JOSD1: variants seen among roughly 807,000 people sequenced by gnomAD.
JOSD1 encodes josephin-1.
Under a neutral mutation model 24.3 loss-of-function variants are expected in JOSD1, and 11 were observed. The ratio of observed to expected loss-of-function variants is 0.45; its 90% CI spans 0.29 to 0.75. The LOEUF (loss-of-function observed/expected upper bound fraction) is 0.75. Among genes scored for constraint, JOSD1 ranks in the 30% least tolerant of loss-of-function variants. The pLI, the probability that JOSD1 is intolerant of heterozygous loss-of-function variation, is 0.11. For synonymous variants in JOSD1, 106 were observed against 93.8 expected, an observed-to-expected ratio of 1.13 and a Z score of -0.75; for missense variants, 184 against 253.5, an observed-to-expected ratio of 0.73 and a Z score of 1.86.
intron 2 of JOSD1, among the ~76,000 whole-genome samples, chr22:38,690,413 T>A (rs1179547178): frequency 6.6e-6 from 1 of 152,122 alleles, no homozygotes; most frequent in East Asian, 1.9e-4. Context: ...TTTCTTTCTT[T>A]TTTTTTTGAG....
At chr22:38,701,065 G>T, upstream of JOSD1, 1 of 841,880 alleles carries the variant, frequency 1.2e-6, no homozygotes, top group Non-Finnish European at 1.4e-6. Context: ...CCTGACGTAA[G>T]TCTGACGTCA....
rs765317854 is a variant in JOSD1 at position 38,687,947 on chromosome 22, T to C, written c.564A>G (p.Val188=). Residue 188 remains valine (V), a synonymous_variant, in exon 5 of 5, where the codon GTA becomes GTG. Transcript: ENST00000683374. ...TCTGATGAGCCTCTACCTCTTCTGGTACCACCAGCAGGAGTTCACAGTTCT... is the reference window on the plus strand; with the variant it reads ...TCTGATGAGCCTCTACCTCTTCTGGCACCACCAGCAGGAGTTCACAGTTCT... ...RGKNCELLLV[V]PEEVEAHQSW... 6.2e-7 allele frequency: 1 copy of C among 1,614,078 alleles called. No individual in the cohort carries two copies. Among genetic ancestry groups the C allele is most frequent in the East Asian group, 2.2e-5 (1 of 44,876 alleles).
In JOSD1 at chr22:38,689,184, T is replaced by C. The variant is rs75289505; in HGVS notation, c.315-55A>G. ...ATGCAGCCCATTTTCCAAGGTTCCC[T>C]GGCTGTAATACCACAACTGGCTACC... is the stretch of plus-strand genomic sequence containing the variant. On this transcript the variant is annotated intron_variant, in intron 3 of 4. Transcript: ENST00000683374. 892 of 1,602,008 alleles carry C rather than the reference T, an allele frequency of 5.6e-4. 4 individuals carry two copies. The African/African-American group carries it at 0.01, about 18-fold the overall frequency.
rs773337804 is a variant in JOSD1, at chr22:38,688,994, G to A, written c.450C>T (p.Tyr150=). ...TCTTGAGTTTGGAGTCGAGGTTGTA[G>A]TAGGCCCCTCCCACCTCTCGAACAC... ...WICVREVGGA[Y]YNLDSKLKMP... Residue 150 remains tyrosine (Y), a synonymous_variant, in exon 4 of 5, where the codon TAC becomes TAT. Coordinates refer to ENST00000683374, the MANE Select transcript of JOSD1 (RefSeq NM_001360236.2). 3.6e-5 allele frequency: 58 copies of A among 1,614,018 alleles called. 1 individual carries two copies. The South Asian group carries it at 6.0e-4, about 17-fold the overall frequency.
chr22:38,696,987 T>C (rs1490186878), intron 2 of JOSD1, among the ~76,000 whole-genome samples: 1 of 152,264 alleles, frequency 6.6e-6, no homozygotes, highest in Non-Finnish European at 1.5e-5. Context: ...TTATATCTGC[T>C]AAGGTCCAAA....
In JOSD1 at chr22:38,700,871, G is replaced by A. The variant is rs2092566646; in HGVS notation, c.-703C>T. ...GCCCCCGGCCGCAGACCCCAGGGCC[G>A]CCGGGACTGCTCGCCGCTGGCGGTC... On this transcript the variant is annotated 5_prime_UTR_variant, in exon 1 of 5. Transcript: ENST00000683374. The A allele has an allele frequency of 2.0e-6, 2 of 984,164 alleles. No homozygotes were observed. The highest frequency in any genetic ancestry group is 1.8e-5 in the African/African-American group (1 of 57,084). 61.0% of individuals were successfully genotyped at this position (984,164 alleles called of 1,614,324 possible).
At position 38,689,325 on chromosome 22, in the gene JOSD1, G is replaced by A. The variant is rs1569263315; in HGVS notation, c.285C>T (p.Gly95=). 3.7e-6 allele frequency: 6 copies of A among 1,614,202 alleles called. No homozygotes were observed. The highest frequency in any genetic ancestry group is 5.1e-6 in the Non-Finnish European group (6 of 1,180,030). Residue 95 remains glycine (G), a synonymous_variant, in exon 3 of 5, where the codon GGC becomes GGT. Coordinates refer to ENST00000683374, the MANE Select transcript of JOSD1 (RefSeq NM_001360236.2). ...GCTTGTCCCACCAAACAGCTTCATA[G>A]CCTTTGGTCTGAAGTGCTGCCATAA... ...NVIMAALQTK[G]YEAVWWDKRR... is the part of the protein sequence containing the mutation.
At position 38,700,476 on chromosome 22, in the gene JOSD1, G is replaced by A; in HGVS notation, c.-489C>T. 2.0e-6 allele frequency: 2 copies of A among 986,442 alleles called. No individual in the cohort carries two copies. The highest frequency in any genetic ancestry group is 2.4e-6 in the Non-Finnish European group (2 of 830,580). The allele number at this position is 986,442 out of a possible 1,614,324, so 61.1% of individuals were successfully genotyped here. The stretch of plus-strand genomic sequence containing the variant: ...GACGGATAAATTTAGCGCACGAGTC[G>A]AGTAGCTAGCGCGGGCCGGCAGGCG... On this transcript the variant is annotated 5_prime_UTR_variant, in exon 2 of 5. Transcript: ENST00000683374.
chr22:38,689,075 G>C lies in JOSD1; in HGVS notation c.369C>G (p.Pro123=). ...TNVMGFIMNL[P]SSLCWGPLKL... ...TCAGTGGACCCCAGCATAGGCTGGA[G>C]GGCAGATTCATGATGAAGCCCATGA... The change falls in exon 4 of 5, where the codon CCC becomes CCG. Residue 123 remains proline (P), a synonymous_variant. Coordinates refer to ENST00000683374, the MANE Select transcript of JOSD1 (RefSeq NM_001360236.2). The C allele has an allele frequency of 6.2e-7, 1 of 1,614,184 alleles. No homozygotes were observed. The highest frequency in any genetic ancestry group is 8.5e-7 in the Non-Finnish European group (1 of 1,180,036).
chr22:38,686,936 C>T lies in JOSD1; in HGVS notation c.*966G>A, dbSNP rs2092500413. ...AGGGACAACACTGGAGTGAAGAAAC[C>T]AAGCCACCCCATGGCTGTCCCAGGT... On this transcript the variant is annotated 3_prime_UTR_variant, in exon 5 of 5. Coordinates refer to ENST00000683374, the MANE Select transcript of JOSD1 (RefSeq NM_001360236.2). 6.6e-6 allele frequency: 1 copy of T among 152,226 alleles called. No individual in the cohort carries two copies. The highest frequency in any genetic ancestry group is 1.9e-4 in the East Asian group (1 of 5,196). The allele number at this position is 152,226 out of a possible 1,614,324, so 9.4% of individuals were successfully genotyped here.
At chr22:38,694,287 G>C (rs1357748729) in intron 2 of JOSD1, among the ~76,000 whole-genome samples, 2 of 152,184 alleles carry the variant, frequency 1.3e-5, no homozygotes, top group Non-Finnish European at 2.9e-5. Context: ...AAAGGTTATG[G>C]TGACTTGCAC....
rs375415019 is a variant in JOSD1 at position 38,688,510 on chromosome 22, G to A, written c.509+425C>T. Among the ~76,000 whole-genome samples the A allele has an allele frequency of 2.0e-4, 31 of 152,254 alleles. 2 individuals carry two copies. The highest frequency in any genetic ancestry group is 1.0e-3 in the Admixed American group (16 of 15,288). ...ACTCCTGACCTCAGGTGATCCACCC[G>A]CCTTGGCCTCCCAAAGTGCTGAGAT... On this transcript the variant is annotated intron_variant, in intron 4 of 4. Coordinates refer to ENST00000683374, the MANE Select transcript of JOSD1 (RefSeq NM_001360236.2).
rs2092504039 is a variant in JOSD1 at position 38,687,752 on chromosome 22, C to T, written c.*150G>A. The T allele has an allele frequency of 1.6e-6, 1 of 624,710 alleles. No homozygotes were observed. 38.7% of individuals were successfully genotyped at this position (624,710 alleles called of 1,614,324 possible). On this transcript the variant is annotated 3_prime_UTR_variant, in exon 5 of 5. Transcript: ENST00000683374. ...ACACTGAGTAGTTCTTATAACAGTC[C>T]ACACGTCTGTCCTATTGCACTGTCA...
At chr22:38,697,118 G>C (rs1008824430) in intron 2 of JOSD1, among the ~76,000 whole-genome samples, 2 of 152,194 alleles carry the variant, frequency 1.3e-5, no homozygotes, top group Admixed American at 6.5e-5. Flanking sequence ...AGGCCTGTTC[G>C]ACTCGTTTTC....
At chr22:38,691,192 C>T (rs920854182) in intron 2 of JOSD1, among the ~76,000 whole-genome samples, 1 of 151,898 alleles carries the variant, frequency 6.6e-6, no homozygotes, top group South Asian at 2.1e-4. Context: ...TGGCAAAACA[C>T]TGTCTCTGCA....
chr22:38,692,997 C>G (rs2092530032), intron 2 of JOSD1, among the ~76,000 whole-genome samples: 1 of 152,058 alleles, frequency 6.6e-6, no homozygotes, highest in East Asian at 1.9e-4. Context: ...AACCTTAGAG[C>G]GGCGCTTCCC....
chr22:38,687,865 G>A lies in JOSD1; in HGVS notation c.*37C>T. 1 of 1,411,532 alleles carries A rather than the reference G, an allele frequency of 7.1e-7. No individual in the cohort carries two copies. Among genetic ancestry groups the A allele is most frequent in the African/African-American group, 1.4e-5 (1 of 70,984 alleles). 87.4% of individuals were successfully genotyped at this position (1,411,532 alleles called of 1,614,324 possible). Reference sequence around the variant, plus strand: ...AGGCCACAGCACGTCACAGAGGACTGAAGGGGCTGAGGCGAGAGGGAGGTT... The same window carrying A: ...AGGCCACAGCACGTCACAGAGGACTAAAGGGGCTGAGGCGAGAGGGAGGTT... On this transcript the variant is annotated 3_prime_UTR_variant, in exon 5 of 5. Coordinates refer to ENST00000683374, the MANE Select transcript of JOSD1 (RefSeq NM_001360236.2).
Position 38,687,957 on chromosome 22 carries a change from A to G in JOSD1, c.554T>C (p.Leu185Pro). The G allele has an allele frequency of 6.2e-7, 1 of 1,614,032 alleles. No individual in the cohort carries two copies. Among genetic ancestry groups the G allele is most frequent in the Non-Finnish European group, 8.5e-7 (1 of 1,179,856 alleles). The change falls in exon 5 of 5, where the codon CTG becomes CCG. Residue 185 changes from leucine (L) to proline (P), a missense_variant. Leu to Pro is a moderately conservative substitution (Grantham distance 98). Coordinates refer to ENST00000683374, the MANE Select transcript of JOSD1 (RefSeq NM_001360236.2). Reference sequence around the variant, plus strand: ...CTCTACCTCTTCTGGTACCACCAGCAGGAGTTCACAGTTCTTTCCTCGCAA... The same window carrying G: ...CTCTACCTCTTCTGGTACCACCAGCGGGAGTTCACAGTTCTTTCCTCGCAA... ...HHLRGKNCEL[L>P]LVVPEEVEAH...
At position 38,700,368 on chromosome 22, in the gene JOSD1, C is replaced by T. The variant is rs1166971138; in HGVS notation, c.-381G>A. 3.0e-6 allele frequency: 3 copies of T among 998,902 alleles called. No individual in the cohort carries two copies. The highest frequency in any genetic ancestry group is 1.1e-4 in the Admixed American group (2 of 17,944). 61.9% of individuals were successfully genotyped at this position (998,902 alleles called of 1,614,324 possible). On this transcript the variant is annotated 5_prime_UTR_variant, in exon 2 of 5. Transcript: ENST00000683374. Reference sequence around the variant, plus strand: ...AATGCCAGGCCTCAAAGCAGGAGGACCGAACACAATCGGTCACATCGCTCC... The same window carrying T: ...AATGCCAGGCCTCAAAGCAGGAGGATCGAACACAATCGGTCACATCGCTCC...
Sources: allele counts gnomAD v4.1 joint callset (sites outside exome capture counted in the v4.1 genomes callset), GRCh38; gene constraint gnomAD v4.1.1; transcripts MANE v1.5; gene names NCBI Gene and HGNC (gene_info 2026-07-23, HGNC 2026-07-21).